COL16A1: variants seen among roughly 807,000 people sequenced by gnomAD.
COL16A1 encodes collagen type XVI alpha 1 chain, also known as collagen alpha-1(XVI) chain.
COL16A1 carries 189 observed loss-of-function variants against 266.3 expected under a neutral mutation model. That is an observed-to-expected ratio of 0.71 (90% CI 0.63 to 0.80). COL16A1 has a LOEUF of 0.80. Ranked by LOEUF, COL16A1 falls within the 30% of genes least tolerant of loss-of-function variation. The pLI is 0.00. For synonymous variants in COL16A1, 740 were observed against 782.3 expected (o/e 0.95, Z 0.90); for missense variants, 1,928 against 2,122.4 (o/e 0.91, Z 1.80).
intron 23 of COL16A1, 76 bp from the exon 24 acceptor site, chr1:31,689,161 AC>A: frequency 1.2e-6 from 2 of 1,607,630 alleles, no homozygotes; most frequent in Non-Finnish European, 1.7e-6. Context: ...ATATGCGAGG[AC>A]AGCAATGTCA....
At chr1:31,681,754 C>A (rs1643657098) in intron 37 of COL16A1, among the ~76,000 whole-genome samples, 1 of 152,240 alleles carries the variant, frequency 6.6e-6, no homozygotes, top group South Asian at 2.1e-4. Context: ...GCTCATAGCT[C>A]CTTCATGTGG....
At position 31,656,266 on chromosome 1, in the gene COL16A1, C is replaced by T; in HGVS notation, c.4101+134G>A. 1 of 1,464,994 alleles carries T rather than the reference C, an allele frequency of 6.8e-7. No individual in the cohort carries two copies. Among genetic ancestry groups the T allele is most frequent in the Non-Finnish European group, 9.2e-7 (1 of 1,085,512 alleles). 90.7% of individuals were successfully genotyped at this position (1,464,994 alleles called of 1,614,324 possible). ...TGAGAAATTTTCAGACACTATCCTG[C>T]TCCAAGTTCTGCATTTTTGCCCCCT... On this transcript the variant is annotated intron_variant, in intron 66 of 70. Coordinates refer to ENST00000373672, the MANE Select transcript of COL16A1 (RefSeq NM_001856.4). This position sits in a 1 kb window ranked among gnomAD's most constrained non-coding sequence, Gnocchi z 4.2.
Position 31,688,975 on chromosome 1 carries a change from G to A in COL16A1, c.1657-4C>T, listed in dbSNP as rs1450508607. ...TGCAGGACAAGCAGGGCTCCCCCTG[G>A]GGAAAGAAGAGGAAGGATCAGAAAT... On this transcript the variant is annotated splice_polypyrimidine_tract_variant and splice_region_variant and intron_variant, in intron 24 of 70. Coordinates refer to ENST00000373672, the MANE Select transcript of COL16A1 (RefSeq NM_001856.4). The surrounding 1 kb of genome is among the most constrained non-coding windows in gnomAD (Gnocchi z 4.9). 1.2e-6 allele frequency: 2 copies of A among 1,614,114 alleles called. No individual in the cohort carries two copies. Among genetic ancestry groups the A allele is most frequent in the South Asian group, 1.1e-5 (1 of 91,088 alleles).
intron 10 of COL16A1, 34 bp downstream of exon 10, chr1:31,695,727 A>T: frequency 6.2e-7 from 1 of 1,610,274 alleles, no homozygotes; most frequent in Non-Finnish European, 8.5e-7. Context: ...TCATGCTGGC[A>T]CCTCCCCTGC....
At chr1:31,689,316 G>A in intron 23 of COL16A1, 1 of 664,504 alleles carries the variant, frequency 1.5e-6, no homozygotes, top group South Asian at 2.0e-5. Context: ...GGAAGTTCCT[G>A]CATATACCCA....
In COL16A1 at chr1:31,653,986, G is replaced by A. The variant is rs769611808; in HGVS notation, c.4415C>T (p.Pro1472Leu). Residue 1472 changes from proline (P) to leucine (L), a missense_variant, in exon 69 of 71, where the codon CCG becomes CTG. By Grantham distance (98) the Pro-to-Leu change is moderately conservative. Around this residue, in one of 2 missense-constraint regions of COL16A1, gnomAD observed 376 missense variants for 485.2 expected, o/e 0.77. Transcript: ENST00000373672. ...MQFPMEMAAA[P>L]GRPGPPGKDG... Reference sequence around the variant, plus strand: ...CTTCCCTGGAGGCCCTGGTCGTCCCGGAGCTGCCGCCATCTCCATGGGGAA... The same window carrying A: ...CTTCCCTGGAGGCCCTGGTCGTCCCAGAGCTGCCGCCATCTCCATGGGGAA... The A allele has an allele frequency of 1.4e-5, 22 of 1,614,038 alleles. No individual in the cohort carries two copies. The highest frequency in any genetic ancestry group is 6.6e-5 in the South Asian group (6 of 91,094).
intron 37 of COL16A1, among the ~76,000 whole-genome samples, chr1:31,682,219 A>C (rs929133070): frequency 5.9e-5 from 9 of 152,164 alleles, no homozygotes; most frequent in Non-Finnish European, 5.9e-5. Flanking sequence ...AAATGCACTT[A>C]TGATTACTTA....
chr1:31,689,675 T>A, intron 23 of COL16A1, 66 bp downstream of exon 23: 1 of 1,328,154 alleles, frequency 7.5e-7, no homozygotes, highest in Non-Finnish European at 1.1e-6. Context: ...TTCCTCTCTA[T>A]GATCATGTCC....
Position 31,672,775 on chromosome 1 carries a change from C to T in COL16A1, c.2925G>A (p.Glu975=). The T allele has an allele frequency of 6.2e-7, 1 of 1,614,202 alleles. No individual in the cohort carries two copies. The highest frequency in any genetic ancestry group is 8.5e-7 in the Non-Finnish European group (1 of 1,179,998). Residue 975 remains glutamate (E), a synonymous_variant, in exon 45 of 71, where the codon GAG becomes GAA. Transcript: ENST00000373672. Reference sequence around the variant, plus strand: ...CACCAGGGATGCCCTGGTCTCCCTTCTCTCCCTTCTCCACGAGGTACCCTG... The same window carrying T: ...CACCAGGGATGCCCTGGTCTCCCTTTTCTCCCTTCTCCACGAGGTACCCTG... The part of the protein sequence containing the change: ...AHPGYLVEKG[E]KGDQGIPGVP...
Position 31,688,856 on chromosome 1 carries a change from C to G in COL16A1, c.1767+5G>C. Reference sequence around the variant, plus strand: ...GGGCTGGGCTGGGAGAAAGTCGTCACTCACCGGAAGGCCAGGCAGACCAAA... The same window carrying G: ...GGGCTGGGCTGGGAGAAAGTCGTCAGTCACCGGAAGGCCAGGCAGACCAAA... On this transcript the variant is annotated splice_donor_5th_base_variant and intron_variant, in intron 25 of 70. Coordinates refer to ENST00000373672, the MANE Select transcript of COL16A1 (RefSeq NM_001856.4). The surrounding 1 kb of genome is among the most constrained non-coding windows in gnomAD (Gnocchi z 4.9). 2.5e-6 allele frequency: 4 copies of G among 1,612,340 alleles called. No homozygotes were observed. The East Asian group carries it at 8.9e-5, about 36-fold the overall frequency.
At chr1:31,673,977 G>A (rs541366394) in intron 44 of COL16A1, among the ~76,000 whole-genome samples, 1 of 152,374 alleles carries the variant, frequency 6.6e-6, no homozygotes, top group Non-Finnish European at 1.5e-5. Context: ...GGAGTCACAC[G>A]ATCACTGCCC....
rs578155988 is a variant in COL16A1 at position 31,686,140 on chromosome 1, A to G, written c.1840-5T>C. The G allele has an allele frequency of 6.2e-7, 1 of 1,614,042 alleles. No homozygotes were observed. Among genetic ancestry groups the G allele is most frequent in the East Asian group, 2.2e-5 (1 of 44,886 alleles). ...CCCCACTGGTCCTGGTGGCCCCTGC[A>G]TGTTAAGACGCTACAGGTAATGCCC... On this transcript the variant is annotated splice_polypyrimidine_tract_variant and splice_region_variant and intron_variant, in intron 27 of 70. Transcript: ENST00000373672.
intron 31 of COL16A1, 88 bp from the exon 32 acceptor site, chr1:31,684,319 C>A: frequency 6.9e-7 from 1 of 1,447,154 alleles, no homozygotes; most frequent in South Asian, 1.5e-5. Flanking sequence ...ACACTCTGCC[C>A]CTTGAATGCT....
chr1:31,653,762 C>T, intron 69 of COL16A1, 86 bp from the exon 70 acceptor site: 1 of 1,573,822 alleles, frequency 6.4e-7, no homozygotes, highest in South Asian at 1.2e-5. Context: ...CACACACACA[C>T]ACACACACAC....
chr1:31,687,485 C>T (rs1379832106), intron 26 of COL16A1, among the ~76,000 whole-genome samples: 3 of 151,796 alleles, frequency 2.0e-5, no homozygotes, highest in South Asian at 2.1e-4. Flanking sequence ...ACAGTGGCCA[C>T]GGGCAGGCCA....
intron 44 of COL16A1, among the ~76,000 whole-genome samples, chr1:31,674,732 G>C (rs892853535): frequency 5.9e-5 from 9 of 152,188 alleles, no homozygotes; most frequent in Admixed American, 1.3e-4. Context: ...ATTGCCAGCT[G>C]CTGCGGGCAG....
intron 42 of COL16A1, 180 bp downstream of exon 42, chr1:31,679,451 TG>T: frequency 6.2e-7 from 1 of 1,602,850 alleles, no homozygotes; most frequent in Non-Finnish European, 8.5e-7. Flanking sequence ...GTGCAGAGCC[TG>T]GCCTAGAGGC....
At chr1:31,703,524 C>T (rs926342199) in intron 1 of COL16A1, among the ~76,000 whole-genome samples, 3 of 152,140 alleles carry the variant, frequency 2.0e-5, no homozygotes, top group Non-Finnish European at 2.9e-5. Flanking sequence ...CATGTGGAGG[C>T]GTGAGGATGG....
intron 68 of COL16A1, 113 bp downstream of exon 68, chr1:31,654,679 A>C: frequency 6.3e-7 from 1 of 1,581,762 alleles, no homozygotes; most frequent in Admixed American, 1.8e-5. Context: ...GAGTGTGTGG[A>C]GGGTGAGAGC....
Sources: gnomAD v4.1 joint callset for allele counts (sites outside exome capture counted in the v4.1 genomes callset) on GRCh38, gnomAD v4.1.1 for gene constraint, gnomAD v4.1.1 regional missense constraint, Gnocchi (gnomAD v3.1) non-coding constraint, MANE v1.5 for transcripts, NCBI Gene and HGNC (gene_info 2026-07-23, HGNC 2026-07-21) for gene names.